The following BCAS3 variants were observed in gnomAD, a reference collection of about 807,000 sequenced individuals.
BCAS3 encodes BCAS3 microtubule associated cell migration factor, also known as BCAS4/BCAS3 fusion.
A neutral mutation model predicts 116.1 loss-of-function variants in BCAS3; 53 were observed. The observed-to-expected ratio is 0.46, with a 90% CI of 0.37 to 0.57. The LOEUF (loss-of-function observed/expected upper bound fraction) is 0.57, where lower values mean the gene tolerates loss of function less well. BCAS3 is among the 20% of genes least tolerant of loss of function. The probability of loss-of-function intolerance (pLI) is 0.00; values close to 1 mark genes in which losing one functional copy is unlikely to be tolerated. For synonymous variants in BCAS3, 391 were observed against 408.2 expected (o/e 0.96, Z 0.51); for missense variants, 917 against 1,165.4 (o/e 0.79, Z 3.10).
At chr17:60,697,492 A>G (rs2035748853) in intron 4 of BCAS3, among the ~76,000 whole-genome samples, 1 of 150,700 alleles carries the variant, frequency 6.6e-6, no homozygotes, top group Admixed American at 6.7e-5. Context: ...CTGAGGCAAG[A>G]GAATTGCTTG....
At chr17:60,937,119 T>C (rs531698338) in intron 13 of BCAS3, among the ~76,000 whole-genome samples, 27 of 152,274 alleles carry the variant, frequency 1.8e-4, no homozygotes, top group South Asian at 1.2e-3. Flanking sequence ...AATAGGGAAT[T>C]GTTTCCCCAT....
rs75320575 is a variant in BCAS3 at position 60,730,547 on chromosome 17, T to C, written c.322-16651T>C. Among the ~76,000 whole-genome samples, 13 of 152,310 alleles carry C rather than the reference T, an allele frequency of 8.5e-5. No homozygotes were observed. In the East Asian group the frequency reaches 2.3e-3, roughly 27 times the overall value. On this transcript the variant is annotated intron_variant, in intron 5 of 23. Transcript: ENST00000407086. ...ACACTCTGATATTAACTGAATCATT[T>C]GTGGTTAGGCAGGCAAAAAACAAAA...
chr17:60,858,796 TG>T (rs1480816389), intron 7 of BCAS3, among the ~76,000 whole-genome samples: 1 of 152,180 alleles, frequency 6.6e-6, no homozygotes, highest in Non-Finnish European at 1.5e-5. Context: ...TTGGGTGTAG[TG>T]GTATCCATTA....
At chr17:61,090,617 C>G (rs1354246125) in intron 22 of BCAS3, among the ~76,000 whole-genome samples, 3 of 152,126 alleles carry the variant, frequency 2.0e-5, no homozygotes, top group African/African-American at 7.2e-5. Flanking sequence ...AGCTGTATCT[C>G]TCCTCTTCTG....
At position 60,993,325 on chromosome 17, in the gene BCAS3, T is replaced by C. The variant is rs894908176; in HGVS notation, c.1486+3090T>C. ...ACTACTAGATTTCCAAGTCAAAATA[T>C]ATTGTTTTCTCTCAGCTTTATTGCT... On this transcript the variant is annotated intron_variant, in intron 15 of 23. Transcript: ENST00000407086. This position sits in a 1 kb window ranked among gnomAD's most constrained non-coding sequence, Gnocchi z 4.2. Among the ~76,000 whole-genome samples, 1 of 152,214 alleles carries C rather than the reference T, an allele frequency of 6.6e-6. No homozygotes were observed. Among genetic ancestry groups the C allele is most frequent in the African/African-American group, 2.4e-5 (1 of 41,446 alleles).
chr17:61,129,446 A>G lies in BCAS3; in HGVS notation c.2425+44882A>G, dbSNP rs114068291. 3.4e-3 allele frequency among the ~76,000 whole-genome samples: 522 copies of G among 152,362 alleles called. 4 individuals are homozygous for G. The highest frequency in any genetic ancestry group is 0.012 in the African/African-American group (507 of 41,584). On this transcript the variant is annotated intron_variant, in intron 22 of 23. Transcript: ENST00000407086. Reference sequence around the variant, plus strand: ...TTCTAAGGAAAACACTGCACTGAGCAAAGGTTGTACTTTTGTAAGATGGAC... The same window carrying G: ...TTCTAAGGAAAACACTGCACTGAGCGAAGGTTGTACTTTTGTAAGATGGAC...
At position 61,352,644 on chromosome 17, in the gene BCAS3, G is replaced by A. The variant is rs2057916080; in HGVS notation, c.2426-15683G>A. 6.6e-6 allele frequency among the ~76,000 whole-genome samples: 1 copy of A among 152,218 alleles called. No individual in the cohort carries two copies. The highest frequency in any genetic ancestry group is 1.5e-5 in the Non-Finnish European group (1 of 68,048). On this transcript the variant is annotated intron_variant, in intron 22 of 23. Coordinates refer to ENST00000407086, the MANE Select transcript of BCAS3 (RefSeq NM_017679.5). The surrounding 1 kb of genome is among the most constrained non-coding windows in gnomAD (Gnocchi z 4.7). ...GGCACACAATGAGTCTGTGAGTTGA[G>A]GGGAAATCACAACCAGATTAACACA... is the stretch of plus-strand genomic sequence containing the variant.
At chr17:60,846,340 C>T (rs995475366) in intron 7 of BCAS3, among the ~76,000 whole-genome samples, 9 of 152,174 alleles carry the variant, frequency 5.9e-5, no homozygotes, top group Non-Finnish European at 1.3e-4. Context: ...TCCCCACTGA[C>T]TTCCTGTTTT....
rs939447131 is a variant in BCAS3 at position 61,217,993 on chromosome 17, A to G, written c.2425+133429A>G. Among the ~76,000 whole-genome samples the G allele has an allele frequency of 2.6e-5, 4 of 152,208 alleles. No individual in the cohort carries two copies. Among genetic ancestry groups the G allele is most frequent in the African/African-American group, 7.2e-5 (3 of 41,452 alleles). ...GGTTACCACCAGAATCCTTGGGATT[A>G]TCTGACCTTCTCCAAGTAGCTCTCC... On this transcript the variant is annotated intron_variant, in intron 22 of 23. Coordinates refer to ENST00000407086, the MANE Select transcript of BCAS3 (RefSeq NM_017679.5). This position sits in a 1 kb window ranked among gnomAD's most constrained non-coding sequence, Gnocchi z 5.2.
At position 61,286,261 on chromosome 17, in the gene BCAS3, G is replaced by A. The variant is rs1314048128; in HGVS notation, c.2426-82066G>A. 2.0e-5 allele frequency among the ~76,000 whole-genome samples: 3 copies of A among 152,208 alleles called. No homozygotes were observed. The highest frequency in any genetic ancestry group is 6.5e-5 in the Admixed American group (1 of 15,278). On this transcript the variant is annotated intron_variant, in intron 22 of 23. Transcript: ENST00000407086. The surrounding 1 kb of genome is among the most constrained non-coding windows in gnomAD (Gnocchi z 4.8). ...GGGTCTGCGGGGGTGGGGCGCTGCC[G>A]AATATGAGACATTTCCTCTTGCTTC...
rs902621971 is a variant in BCAS3, at chr17:61,224,841, A to G, written c.2425+140277A>G. On this transcript the variant is annotated intron_variant, in intron 22 of 23. Coordinates refer to ENST00000407086, the MANE Select transcript of BCAS3 (RefSeq NM_017679.5). The surrounding 1 kb of genome is among the most constrained non-coding windows in gnomAD (Gnocchi z 5.7). ...TAGCACATTTGGCTTCAGCCTAGCCATATTTCAAGTGCTCAGTAGCCACAT... is the reference window on the plus strand; with the variant it reads ...TAGCACATTTGGCTTCAGCCTAGCCGTATTTCAAGTGCTCAGTAGCCACAT... Among the ~76,000 whole-genome samples the G allele has an allele frequency of 3.9e-5, 6 of 152,228 alleles. No individual in the cohort carries two copies. Among genetic ancestry groups the G allele is most frequent in the African/African-American group, 2.4e-5 (1 of 41,466 alleles).
intron 22 of BCAS3, among the ~76,000 whole-genome samples, chr17:61,358,392 G>T (rs2058271286): frequency 6.6e-6 from 1 of 152,038 alleles, no homozygotes; most frequent in Non-Finnish European, 1.5e-5. Context: ...TGTTAAAATG[G>T]CAATGAGCGT....
chr17:60,982,371 G>T (rs187445406), intron 14 of BCAS3, among the ~76,000 whole-genome samples: 8 of 152,250 alleles, frequency 5.3e-5, no homozygotes, highest in Non-Finnish European at 1.2e-4. Flanking sequence ...CAGTGGCACA[G>T]TCATAACTCA....
rs192928337 is a variant in BCAS3, at chr17:60,987,504, C to G, written c.1222-2467C>G. Among the ~76,000 whole-genome samples, 6 of 152,034 alleles carry G rather than the reference C, an allele frequency of 3.9e-5. No individual in the cohort carries two copies. The East Asian group carries it at 1.2e-3, about 29-fold the overall frequency. ...ATATCTTTCTATTTTCTTGTGTCCT[C>G]TTCAGTTTCTTTTTATCAGTGTTTT... On this transcript the variant is annotated intron_variant, in intron 14 of 23. Transcript: ENST00000407086.
intron 22 of BCAS3, among the ~76,000 whole-genome samples, chr17:61,267,996 G>A (rs1306912618): frequency 5.3e-5 from 8 of 151,932 alleles, no homozygotes. Context: ...TTAATGTAAT[G>A]TCCTACATTT....
At chr17:60,925,641 C>T (rs1015420514) in intron 13 of BCAS3, among the ~76,000 whole-genome samples, 6 of 152,068 alleles carry the variant, frequency 3.9e-5, no homozygotes, top group Non-Finnish European at 7.4e-5. Context: ...CTATAGAAAA[C>T]GTTTTCTCTC....
At chr17:61,158,473 G>A (rs927691755) in intron 22 of BCAS3, among the ~76,000 whole-genome samples, 2 of 152,138 alleles carry the variant, frequency 1.3e-5, no homozygotes, top group African/African-American at 4.8e-5. Context: ...ACCTTTTTAA[G>A]AAGTATTTTA....
rs2081428750 is a variant in BCAS3 at position 61,211,037 on chromosome 17, C to T, written c.2425+126473C>T. ...CCCTAAGCTAGGGTCCCATAGTCTT[C>T]CCCAAGCTAGGGTCCCAGCGCTGGG... On this transcript the variant is annotated intron_variant, in intron 22 of 23. Transcript: ENST00000407086. The surrounding 1 kb of genome is among the most constrained non-coding windows in gnomAD (Gnocchi z 4.4). Among the ~76,000 whole-genome samples, 1 of 151,966 alleles carries T rather than the reference C, an allele frequency of 6.6e-6. No homozygotes were observed. Among genetic ancestry groups the T allele is most frequent in the South Asian group, 2.1e-4 (1 of 4,772 alleles).
intron 11 of BCAS3, among the ~76,000 whole-genome samples, chr17:60,906,245 G>T (rs1453100393): frequency 6.6e-6 from 1 of 152,132 alleles, no homozygotes; most frequent in Non-Finnish European, 1.5e-5. Context: ...TCACTTGTTT[G>T]CCAGAATTTA....
Sources: gnomAD v4.1 joint callset for allele counts (sites outside exome capture counted in the v4.1 genomes callset) on GRCh38, gnomAD v4.1.1 for gene constraint, Gnocchi (gnomAD v3.1) non-coding constraint, MANE v1.5 for transcripts, NCBI Gene and HGNC (gene_info 2026-07-23, HGNC 2026-07-21) for gene names.